The following PTCD1 variants were observed in gnomAD, a reference collection of about 807,000 sequenced individuals.
PTCD1 encodes pentatricopeptide repeat-containing protein 1, mitochondrial.
A neutral mutation model predicts 53.4 loss-of-function variants in PTCD1; 50 were observed. The ratio of observed to expected loss-of-function variants is 0.94; its 90% CI spans 0.75 to 1.19. PTCD1 has a LOEUF of 1.19. Ranked by LOEUF, PTCD1 falls within the 50% of genes most tolerant of loss-of-function variation. The pLI is 0.00. For missense variants in PTCD1, 918 were observed against 904.8 expected (o/e 1.01, Z -0.19); for synonymous variants, 413 against 394.8 (o/e 1.05, Z -0.55).
Position 99,417,727 on chromosome 7 carries a change from C to G in PTCD1, c.*2240G>C, listed in dbSNP as rs1021890101. ...CCTGGATGTCCTGCTGGCTCTCCCT[C>G]GTGGGAGTGGGTCCCTGTATTCAGG... is the stretch of plus-strand genomic sequence containing the variant. On this transcript the variant is annotated 3_prime_UTR_variant, in exon 8 of 8. Coordinates refer to ENST00000292478, the MANE Select transcript of PTCD1 (RefSeq NM_015545.4). 2.6e-6 allele frequency: 4 copies of G among 1,537,132 alleles called. No individual in the cohort carries two copies. In the African/African-American group the frequency reaches 4.1e-5, roughly 16 times the overall value.
Position 99,425,572 on chromosome 7 carries a change from G to A in PTCD1, c.960C>T (p.Asp320=). ...MLSLGLQPSR[D]SYNLLLVAAR... is the part of the protein sequence containing the mutation. ...CTGCCACCAACAGCAGGTTGTAGCT[G>A]TCCCGGCTCGGCTGTAGCCCTAGAC... The change falls in exon 6 of 8, where the codon GAC becomes GAT. Residue 320 remains aspartate (D), a synonymous_variant. Coordinates refer to ENST00000292478, the MANE Select transcript of PTCD1 (RefSeq NM_015545.4). 4.3e-6 allele frequency: 7 copies of A among 1,611,994 alleles called. No individual in the cohort carries two copies. The highest frequency in any genetic ancestry group is 4.2e-6 in the Non-Finnish European group (5 of 1,179,890).
chr7:99,429,224 C>A lies in PTCD1; in HGVS notation c.814-20G>T, dbSNP rs113563048. 6.2e-7 allele frequency: 1 copy of A among 1,613,758 alleles called. No individual in the cohort carries two copies. Among genetic ancestry groups the A allele is most frequent in the East Asian group, 2.2e-5 (1 of 44,872 alleles). On this transcript the variant is annotated intron_variant, in intron 4 of 7. Transcript: ENST00000292478. ...GATTTCCTGGGGGAGGGAACAAAGA[C>A]GTCCCACTGAGAACCTGCAGCAGGC... is the stretch of plus-strand genomic sequence containing the variant.
Position 99,418,103 on chromosome 7 carries a change from G to A in PTCD1, c.*1864C>T, listed in dbSNP as rs901550634. 1.9e-6 allele frequency: 1 copy of A among 517,726 alleles called. No individual in the cohort carries two copies. Among genetic ancestry groups the A allele is most frequent in the African/African-American group, 2.1e-5 (1 of 47,700 alleles). The allele number at this position is 517,726 out of a possible 1,614,324, so 32.1% of individuals were successfully genotyped here. On this transcript the variant is annotated 3_prime_UTR_variant, in exon 8 of 8. Transcript: ENST00000292478. ...CTGCCTCATCCTCCTGAGTAGCTGG[G>A]ACTACAGGCATGCACCACCACGCCT...
intron 5 of PTCD1, among the ~76,000 whole-genome samples, chr7:99,427,277 C>A (rs72494444): frequency 3.6e-5 from 5 of 139,082 alleles, no homozygotes; most frequent in African/African-American, 8.4e-5. Context: ...CCCCTCTGCC[C>A]GGCTAGCACC....
At chr7:99,420,199 T>A (rs770989810) in intron 7 of PTCD1, 50 bp from the exon 8 acceptor site, 3 of 1,611,810 alleles carry the variant, frequency 1.9e-6, no homozygotes, top group Non-Finnish European at 2.5e-6. Context: ...CTACAGCTAA[T>A]CCCAAACCTC....
chr7:99,431,911 T>G (rs964550088), intron 3 of PTCD1, among the ~76,000 whole-genome samples: 1 of 152,300 alleles, frequency 6.6e-6, no homozygotes, highest in Non-Finnish European at 1.5e-5. Context: ...TGCAGAGACA[T>G]GAGCTGTGTT....
rs1422857949 is a variant in PTCD1, at chr7:99,435,089, G to A, written c.154C>T (p.Gln52Ter). Residue 52 changes from glutamine (Q) to a stop codon, truncating the protein, a stop_gained, in exon 2 of 8, where the codon CAG becomes TAG. Coordinates refer to ENST00000292478, the MANE Select transcript of PTCD1 (RefSeq NM_015545.4). LOFTEE classifies it high-confidence loss of function. ...TGACGCTCCTGGCCGAGGGGCAGCT[G>A]AGAGGAGGAGCTGCTGAAGGGCGCC... ...MWAPFSSSSSQLPLGQERQEN... is the reference protein window; with the variant it reads ...MWAPFSSSSS The A allele has an allele frequency of 1.9e-6, 3 of 1,609,284 alleles. No individual in the cohort carries two copies. Among genetic ancestry groups the A allele is most frequent in the Non-Finnish European group, 2.5e-6 (3 of 1,178,288 alleles).
chr7:99,433,466 C>A, intron 2 of PTCD1, 48 bp from the exon 3 acceptor site: 1 of 1,613,376 alleles, frequency 6.2e-7, no homozygotes, highest in South Asian at 1.1e-5. Context: ...GCCCCAGAGA[C>A]CCTCAGCAGA....
chr7:99,436,035 T>A (rs951034902), intron 1 of PTCD1, among the ~76,000 whole-genome samples: 6 of 151,970 alleles, frequency 3.9e-5, no homozygotes, highest in Admixed American at 2.6e-4. Context: ...AGCCCCACCC[T>A]CCTGTGCTCA....
chr7:99,433,549 C>T, intron 2 of PTCD1, 131 bp from the exon 3 acceptor site: 1 of 1,557,096 alleles, frequency 6.4e-7, no homozygotes. Flanking sequence ...TGCAAACCCC[C>T]TGGGCCCCCA....
chr7:99,420,788 C>A (rs1795773633), intron 7 of PTCD1, among the ~76,000 whole-genome samples: 1 of 152,208 alleles, frequency 6.6e-6, no homozygotes, highest in Admixed American at 6.5e-5. Flanking sequence ...GAAACTCCAT[C>A]TCTACTAAAA....
rs958518828 is a variant in PTCD1 at position 99,429,881 on chromosome 7, G to A, written c.595-75C>T. On this transcript the variant is annotated intron_variant, in intron 3 of 7. Coordinates refer to ENST00000292478, the MANE Select transcript of PTCD1 (RefSeq NM_015545.4). ...CAGGTGAGCAGCTGCCCCAGAGGAG[G>A]CTGAGGCTGGAGAGGACCCCGTCAC... 1.3e-5 allele frequency: 21 copies of A among 1,576,862 alleles called. No individual in the cohort carries two copies. The African/African-American group carries it at 2.4e-4, about 18-fold the overall frequency.
intron 5 of PTCD1, among the ~76,000 whole-genome samples, chr7:99,426,084 A>G (rs1246425153): frequency 6.6e-6 from 1 of 150,864 alleles, no homozygotes; most frequent in East Asian, 2.0e-4. Flanking sequence ...AAAACATTTA[A>G]AAAATTGGCC....
intron 5 of PTCD1, among the ~76,000 whole-genome samples, chr7:99,427,370 G>A (rs1396315005): frequency 1.5e-4 from 21 of 138,294 alleles, no homozygotes; most frequent in South Asian, 4.8e-4. Context: ...TCAGCCCCCC[G>A]CCCGGCCAGC....
intron 7 of PTCD1, 97 bp from the exon 8 acceptor site, chr7:99,420,246 C>A: frequency 6.4e-7 from 1 of 1,554,884 alleles, no homozygotes; most frequent in South Asian, 1.1e-5. Context: ...CTGGTGGCTG[C>A]CATTTTCCCT....
chr7:99,424,375 C>T (rs1284929572), intron 6 of PTCD1, among the ~76,000 whole-genome samples: 2 of 152,212 alleles, frequency 1.3e-5, no homozygotes, highest in African/African-American at 2.4e-5. Context: ...CAACCCAGGA[C>T]GCAGCCTCTG....
intron 5 of PTCD1, among the ~76,000 whole-genome samples, chr7:99,427,575 T>C (rs1395858122): frequency 6.7e-4 from 102 of 152,106 alleles, no homozygotes; most frequent in Non-Finnish European, 1.2e-3. Context: ...GGAGCCCCTC[T>C]GCCCGGCCAC....
chr7:99,419,904 C>T lies in PTCD1; in HGVS notation c.*63G>A. The T allele has an allele frequency of 1.9e-6, 3 of 1,610,920 alleles. No homozygotes were observed. Among genetic ancestry groups the T allele is most frequent in the South Asian group, 1.1e-5 (1 of 90,908 alleles). On this transcript the variant is annotated 3_prime_UTR_variant, in exon 8 of 8. Coordinates refer to ENST00000292478, the MANE Select transcript of PTCD1 (RefSeq NM_015545.4). ...CCCCAGGCAGGAGGTGACACCAGCT[C>T]ACTTGTCCTGGGGCTCCCACAGAGC...
chr7:99,421,365 C>A (rs1019579748), intron 7 of PTCD1, among the ~76,000 whole-genome samples: 14 of 149,192 alleles, frequency 9.4e-5, no homozygotes, highest in Non-Finnish European at 1.9e-4. Flanking sequence ...GAGGTCAAGG[C>A]TACAGTGAGC....
Sources: allele counts gnomAD v4.1 joint callset (sites outside exome capture counted in the v4.1 genomes callset), GRCh38; gene constraint gnomAD v4.1.1; transcripts MANE v1.5; gene names NCBI Gene and HGNC (gene_info 2026-07-23, HGNC 2026-07-21).